Variants in HDHD5 observed in about 807,000 individuals in gnomAD.
HDHD5 encodes haloacid dehalogenase-like hydrolase domain-containing 5.
A neutral mutation model predicts 35.5 loss-of-function variants in HDHD5; 34 were observed. That is an observed-to-expected ratio of 0.96 (90% confidence interval 0.73 to 1.28). HDHD5 has a LOEUF of 1.28. HDHD5 is among the 50% of genes most tolerant of loss of function. HDHD5 has a pLI of 0.00. For synonymous variants in HDHD5, 248 were observed against 240.6 expected (o/e 1.03, Z -0.29); for missense variants, 589 against 560.2 (o/e 1.05, Z -0.52).
At chr22:17,147,704 C>T (rs1405889070) in intron 3 of HDHD5, among the ~76,000 whole-genome samples, 1 of 148,466 alleles carries the variant, frequency 6.7e-6, no homozygotes, top group Non-Finnish European at 1.5e-5. Context: ...CATGCCATCG[C>T]ACACGCTCCA....
At chr22:17,142,427 C>A (rs1248753690) in intron 5 of HDHD5, 2 of 152,346 alleles carry the variant, frequency 1.3e-5, no homozygotes, top group Middle Eastern at 3.4e-3. Context: ...GAAGACTGTA[C>A]TTTGCCTTTT....
upstream of HDHD5, among the ~76,000 whole-genome samples, chr22:17,162,204 C>T (rs371645732): frequency 4.8e-4 from 73 of 152,298 alleles, no homozygotes; most frequent in East Asian, 4.6e-3. Context: ...CCATTCCTGG[C>T]GGAACCCTTG....
upstream of HDHD5, among the ~76,000 whole-genome samples, chr22:17,160,440 G>A (rs1280649242): frequency 6.6e-6 from 1 of 151,866 alleles, no homozygotes; most frequent in African/African-American, 2.4e-5. Context: ...CAGGAGGTCA[G>A]GGGTTCAAGA....
Position 17,143,097 on chromosome 22 carries a change from C to A in HDHD5, c.571+1G>T. ...AACTCATCAAAGAGGACCTCTCTTA[C>A]CTTCAATGCGGGGGAAGTCATTCCT... On this transcript the variant is annotated splice_donor_variant, in intron 5 of 7. Coordinates refer to ENST00000336737, the MANE Select transcript of HDHD5 (RefSeq NM_033070.3). LOFTEE classifies it high-confidence loss of function. 1.2e-6 allele frequency: 2 copies of A among 1,610,176 alleles called. No individual in the cohort carries two copies. The highest frequency in any genetic ancestry group is 1.3e-5 in the African/African-American group (1 of 74,914).
At chr22:17,151,547 T>C (rs1191584011) in intron 1 of HDHD5, among the ~76,000 whole-genome samples, 17 of 151,888 alleles carry the variant, frequency 1.1e-4, no homozygotes, top group Non-Finnish European at 1.9e-4. Context: ...CTGGCCAACA[T>C]GGTGAAACCT....
intron 3 of HDHD5, among the ~76,000 whole-genome samples, chr22:17,145,769 T>C (rs1177707466): frequency 1.3e-5 from 2 of 152,048 alleles, no homozygotes; most frequent in Non-Finnish European, 2.9e-5. Context: ...CTGAGAACAG[T>C]GCTGCTAGTC....
intron 5 of HDHD5, chr22:17,141,724 T>G: frequency 5.7e-6 from 3 of 529,676 alleles, no homozygotes; most frequent in African/African-American, 4.1e-5. Flanking sequence ...GTAACTTCTC[T>G]TCTCTAAGCC....
intron 6 of HDHD5, among the ~76,000 whole-genome samples, chr22:17,139,848 G>A (rs1420726430): frequency 2.0e-5 from 3 of 152,220 alleles, no homozygotes; most frequent in African/African-American, 4.8e-5. Flanking sequence ...GGGATTACAA[G>A]CATGAGCCAC....
In HDHD5 at chr22:17,165,140, T is replaced by A. The variant is rs192548963; in HGVS notation, c.36+69A>T. The A allele has an allele frequency of 8.1e-5, 60 of 738,090 alleles. No individual in the cohort carries two copies. In the East Asian group the frequency reaches 1.4e-3, roughly 17 times the overall value. The allele number at this position is 738,090 out of a possible 1,614,324, so 45.7% of individuals were successfully genotyped here. The stretch of plus-strand genomic sequence containing the variant: ...ATATTTCCTACTAGTCATGTTTCCC[T>A]GAAAATGGGACTTCTGTTAATAATA... On this transcript the variant is annotated intron_variant, in intron 1 of 7. Transcript: ENST00000155674.
intron 1 of HDHD5, chr22:17,165,174 C>A: frequency 1.3e-6 from 1 of 769,138 alleles, no homozygotes; most frequent in East Asian, 2.4e-5. Context: ...TACTCCTGGC[C>A]TCTCTCTACC....
At position 17,159,274 on chromosome 22, in the gene HDHD5, G is replaced by A; in HGVS notation, c.-23C>T. The A allele has an allele frequency of 1.6e-6, 2 of 1,239,904 alleles. No homozygotes were observed. Among genetic ancestry groups the A allele is most frequent in the South Asian group, 1.8e-5 (1 of 56,986 alleles). The allele number at this position is 1,239,904 out of a possible 1,614,324, so 76.8% of individuals were successfully genotyped here. A position where few individuals can be genotyped will look rare whatever the true frequency, so the allele number is the denominator to read the frequency against. Reference sequence around the variant, plus strand: ...CATCCGGCCGTCGCCGTGCGCACGTGCACGGCGTGCGGCCCCCCCCCCCCG... The same window carrying A: ...CATCCGGCCGTCGCCGTGCGCACGTACACGGCGTGCGGCCCCCCCCCCCCG... On this transcript the variant is annotated 5_prime_UTR_variant, in exon 1 of 8. Transcript: ENST00000336737.
Position 17,137,758 on chromosome 22 carries a change from G to C in HDHD5, c.*263C>G. On this transcript the variant is annotated 3_prime_UTR_variant, in exon 8 of 8. Transcript: ENST00000336737. ...GGACACTGAGGCACACAGGGGAAGA[G>C]AATGGCCTGAGGTTAGACTGCCACG... 2.2e-6 allele frequency: 1 copy of C among 459,880 alleles called. No homozygotes were observed. The highest frequency in any genetic ancestry group is 3.9e-6 in the Non-Finnish European group (1 of 253,750). The allele number at this position is 459,880 out of a possible 1,614,324, so 28.5% of individuals were successfully genotyped here. A position where few individuals can be genotyped will look rare whatever the true frequency, so the allele number is the denominator to read the frequency against.
intron 4 of HDHD5, 54 bp downstream of exon 4, chr22:17,144,970 G>C: frequency 6.3e-7 from 1 of 1,594,042 alleles, no homozygotes; most frequent in Non-Finnish European, 8.6e-7. Flanking sequence ...AGCCAATGCA[G>C]GGCACTGGAG....
intron 6 of HDHD5, among the ~76,000 whole-genome samples, chr22:17,139,223 C>T (rs1303776961): frequency 3.9e-5 from 6 of 152,204 alleles, no homozygotes; most frequent in Admixed American, 2.6e-4. Context: ...TTTCAATAAG[C>T]ATCCTTAAAA....
chr22:17,148,129 G>A (rs1268071945), intron 3 of HDHD5, among the ~76,000 whole-genome samples: 2 of 152,184 alleles, frequency 1.3e-5, no homozygotes, highest in African/African-American at 4.8e-5. Flanking sequence ...ACTAAGAGAG[G>A]TGTTTTGTTT....
In HDHD5 at chr22:17,138,201, GC is replaced by G; in HGVS notation, c.1091del (p.Gly364AlafsTer41). 1.2e-6 allele frequency: 2 copies of G among 1,614,174 alleles called. No homozygotes were observed. Among genetic ancestry groups the G allele is most frequent in the Non-Finnish European group, 1.7e-6 (2 of 1,180,032 alleles). ...QSCISILVCT[G>X]VYNPRNPQST... ...ACTGTGGGTTCCTGGGATTGTAGACGCCTGTACACACCAGGATGGAGATGCA... is the reference window on the plus strand; with the variant it reads ...ACTGTGGGTTCCTGGGATTGTAGACGCTGTACACACCAGGATGGAGATGCA... On this transcript the variant is annotated frameshift_variant, in exon 8 of 8. Transcript: ENST00000336737. LOFTEE classifies it low-confidence loss of function (END_TRUNC).
At chr22:17,148,650 G>C in intron 2 of HDHD5, 90 bp from the exon 3 acceptor site, 1 of 1,016,274 alleles carries the variant, frequency 9.8e-7, no homozygotes, top group South Asian at 1.3e-5. Flanking sequence ...TTAGCCTAGG[G>C]AAGGAAAAAA....
intron 1 of HDHD5, among the ~76,000 whole-genome samples, chr22:17,158,140 G>C (rs1297950223): frequency 1.3e-5 from 2 of 152,162 alleles, no homozygotes; most frequent in Non-Finnish European, 2.9e-5. Context: ...GGCCAACATG[G>C]TGAAACCCTG....
rs796107057 is a variant in HDHD5, at chr22:17,138,497, A to G, written c.935+53T>C. 294 of 1,575,976 alleles carry G rather than the reference A, an allele frequency of 1.9e-4. No homozygotes were observed. In the African/African-American group the frequency reaches 3.3e-3, roughly 18 times the overall value. ...GAAATGGGGGTGAGAGTAGAGGAGGAGGGAGAGAAGGGGATGTCATAAAAG... is the reference window on the plus strand; with the variant it reads ...GAAATGGGGGTGAGAGTAGAGGAGGGGGGAGAGAAGGGGATGTCATAAAAG... On this transcript the variant is annotated intron_variant, in intron 7 of 7. Transcript: ENST00000336737.
Sources: allele counts gnomAD v4.1 joint callset (sites outside exome capture counted in the v4.1 genomes callset), GRCh38; gene constraint gnomAD v4.1.1; transcripts MANE v1.5; gene names NCBI Gene and HGNC (gene_info 2026-07-23, HGNC 2026-07-21).